Variants in AGBL1 observed in about 807,000 individuals in gnomAD.
The protein encoded by AGBL1 is AGBL carboxypeptidase 1, also known as cytosolic carboxypeptidase 4.
A neutral mutation model predicts 118.9 loss-of-function variants in AGBL1; 130 were observed. The observed-to-expected ratio is 1.09, with a 90% CI of 0.95 to 1.26. The LOEUF is 1.26. Ranked by LOEUF, AGBL1 falls within the 50% of genes most tolerant of loss-of-function variation. AGBL1 has a pLI of 0.00. For synonymous variants in AGBL1, 555 were observed against 478.9 expected (o/e 1.16, Z -2.08); for missense variants, 1,584 against 1,298.1 (o/e 1.22, Z -3.38).
intron 21 of AGBL1, among the ~76,000 whole-genome samples, chr15:86,582,363 C>T (rs952214343): frequency 1.3e-5 from 2 of 152,050 alleles, no homozygotes. Context: ...AAAGCCCTAG[C>T]CTTTGTAATT....
intron 22 of AGBL1, among the ~76,000 whole-genome samples, chr15:86,720,793 A>G (rs11073658): frequency 0.97 from 147,665 of 152,122 alleles, 71,690 homozygotes; most frequent in East Asian, 0.99. Context: ...CCAAATAGAC[A>G]CAATAAAAAA....
At chr15:86,336,171 T>G (rs1414755196) in intron 17 of AGBL1, among the ~76,000 whole-genome samples, 1 of 152,210 alleles carries the variant, frequency 6.6e-6, no homozygotes, top group Non-Finnish European at 1.5e-5. Context: ...ACTGAGGCTT[T>G]GAGGCCAGCA....
intron 18 of AGBL1, among the ~76,000 whole-genome samples, chr15:86,458,857 G>A (rs184030299): frequency 1.3e-5 from 2 of 152,186 alleles, no homozygotes; most frequent in Admixed American, 6.5e-5. Flanking sequence ...AAAATAGAAC[G>A]GAAATTGCAG....
At chr15:86,939,089 G>A (rs1427516816) in intron 23 of AGBL1, 1 of 152,280 alleles carries the variant, frequency 6.6e-6, no homozygotes, top group African/African-American at 2.4e-5. Flanking sequence ...TCCCTGCATA[G>A]CCTGTGTGAT....
intron 22 of AGBL1, among the ~76,000 whole-genome samples, chr15:86,793,955 C>A (rs1034838302): frequency 6.6e-6 from 1 of 152,130 alleles, no homozygotes; most frequent in African/African-American, 2.4e-5. Context: ...AAGTAACCAG[C>A]GTTGGTGAGG....
At chr15:86,262,077 G>GTTTTTTTTTTTT (rs1491268138) in intron 9 of AGBL1, among the ~76,000 whole-genome samples, 1 of 3,496 alleles carries the variant, frequency 2.9e-4, no homozygotes, top group Non-Finnish European at 8.6e-4. Flanking sequence ...TGCATAGCTG[G>GTTTTTTTTTTTT]CTTTTTTTTT....
At chr15:87,010,243 G>T (rs1295642784) in intron 24 of AGBL1, among the ~76,000 whole-genome samples, 1 of 152,156 alleles carries the variant, frequency 6.6e-6, no homozygotes, top group Non-Finnish European at 1.5e-5. Flanking sequence ...CATGAGACCT[G>T]ATGGTTTTAT....
chr15:86,746,681 G>A (rs2077761561), intron 22 of AGBL1, among the ~76,000 whole-genome samples: 1 of 151,974 alleles, frequency 6.6e-6, no homozygotes, highest in African/African-American at 2.4e-5. Context: ...TGGATGTTTT[G>A]TGAACACATC....
At chr15:86,605,519 G>A (rs1387542907) in intron 21 of AGBL1, among the ~76,000 whole-genome samples, 1 of 152,124 alleles carries the variant, frequency 6.6e-6, no homozygotes, top group Non-Finnish European at 1.5e-5. Flanking sequence ...GAGGATGATG[G>A]TGCAACTGGG....
chr15:86,652,503 G>A lies in AGBL1; in HGVS notation c.2995-21770G>A, dbSNP rs1001980346. ...GTCAAAGGATCAATATTAACACACC[G>A]AGATGTGGTTTAGCTGCTTTATATT... On this transcript the variant is annotated intron_variant, in intron 21 of 22. Transcript: ENST00000614907. Among the ~76,000 whole-genome samples the A allele has an allele frequency of 6.4e-4, 98 of 151,960 alleles. 1 individual carries two copies. Among genetic ancestry groups the A allele is most frequent in the African/African-American group, 8.2e-4 (34 of 41,362 alleles).
chr15:86,416,517 G>A (rs2081697420), intron 18 of AGBL1, among the ~76,000 whole-genome samples: 1 of 152,064 alleles, frequency 6.6e-6, no homozygotes, highest in Non-Finnish European at 1.5e-5. Context: ...ACTCCTTTCA[G>A]CAGTAATCAG....
At chr15:86,631,955 C>G (rs535283199) in intron 21 of AGBL1, among the ~76,000 whole-genome samples, 1 of 151,424 alleles carries the variant, frequency 6.6e-6, no homozygotes, top group Non-Finnish European at 1.5e-5. Context: ...TTGAGAGGCC[C>G]GAGGCAGAAG....
intron 20 of AGBL1, among the ~76,000 whole-genome samples, chr15:86,552,670 AT>A (rs2083680373): frequency 6.6e-6 from 1 of 152,142 alleles, no homozygotes; most frequent in Admixed American, 6.6e-5. Context: ...TTCTGGGGAG[AT>A]AGAAAACAAA....
chr15:86,722,844 G>T (rs1321624439), intron 22 of AGBL1, among the ~76,000 whole-genome samples: 1 of 152,004 alleles, frequency 6.6e-6, no homozygotes, highest in African/African-American at 2.4e-5. Context: ...GTGGGTGAAG[G>T]ATATGAACAG....
At chr15:86,390,686 T>TTTTTTTTTTTTTTA (rs2081265060) in intron 17 of AGBL1, among the ~76,000 whole-genome samples, 1 of 144,762 alleles carries the variant, frequency 6.9e-6, no homozygotes, top group Non-Finnish European at 1.5e-5. Context: ...TTTTTTTTTT[T>TTTTTTTTTTTTTTA]GAGACAGAGT....
At chr15:86,382,898 G>A (rs919593) in intron 17 of AGBL1, among the ~76,000 whole-genome samples, 2 of 151,786 alleles carry the variant, frequency 1.3e-5, no homozygotes, top group African/African-American at 4.8e-5. Context: ...CTCCAGAACT[G>A]CACAAACGAC....
chr15:86,324,336 G>A (rs906870212), intron 17 of AGBL1, among the ~76,000 whole-genome samples: 1 of 152,182 alleles, frequency 6.6e-6, no homozygotes, highest in Non-Finnish European at 1.5e-5. Context: ...ACTTAAAAGA[G>A]CAAATGATGC....
chr15:86,372,105 A>G (rs1331528449), intron 17 of AGBL1, among the ~76,000 whole-genome samples: 1 of 152,176 alleles, frequency 6.6e-6, no homozygotes, highest in Non-Finnish European at 1.5e-5. Flanking sequence ...CCAGGCAGAG[A>G]TGGTGGATAG....
intron 22 of AGBL1, among the ~76,000 whole-genome samples, chr15:86,685,240 G>A (rs1025451763): frequency 6.6e-6 from 1 of 152,108 alleles, no homozygotes; most frequent in Admixed American, 6.6e-5. Flanking sequence ...CCTCTGCTTG[G>A]TCCTTTTAGT....
Sources: gnomAD v4.1 joint callset for allele counts (sites outside exome capture counted in the v4.1 genomes callset) on GRCh38, gnomAD v4.1.1 for gene constraint, MANE v1.5 for transcripts, NCBI Gene and HGNC (gene_info 2026-07-23, HGNC 2026-07-21) for gene names.